ST3GAL3: variants seen among roughly 807,000 people sequenced by gnomAD.
ST3GAL3 encodes the protein CMP-N-acetylneuraminate-beta-1,4-galactoside alpha-2,3-sialyltransferase.
Under a neutral mutation model 50.1 loss-of-function variants are expected in ST3GAL3, and 21 were observed. That is an observed-to-expected ratio of 0.42 (90% CI 0.30 to 0.60). The LOEUF (loss-of-function observed/expected upper bound fraction) is 0.60. Among genes scored for constraint, ST3GAL3 ranks in the 20% least tolerant of loss-of-function variants. The probability of loss-of-function intolerance (pLI) is 0.19; values close to 1 mark genes in which losing one functional copy is unlikely to be tolerated. For synonymous variants in ST3GAL3, 183 were observed against 190.0 expected, an observed-to-expected ratio of 0.96 and a Z score of 0.30; for missense variants, 353 against 489.4, an observed-to-expected ratio of 0.72 and a Z score of 2.63.
chr1:43,750,194 C>T (rs773006593), intron 2 of ST3GAL3, among the ~76,000 whole-genome samples: 5 of 152,158 alleles, frequency 3.3e-5, no homozygotes, highest in Non-Finnish European at 7.4e-5. Context: ...GATTAGCATG[C>T]TTCAACTTAG....
intron 3 of ST3GAL3, among the ~76,000 whole-genome samples, chr1:43,814,611 C>T (rs1031355237): frequency 2.6e-5 from 4 of 152,200 alleles, no homozygotes; most frequent in African/African-American, 9.7e-5. Context: ...ATTTCAGTTC[C>T]AATTACCACA....
intron 9 of ST3GAL3, among the ~76,000 whole-genome samples, chr1:43,909,582 A>G: frequency 6.6e-6 from 1 of 152,368 alleles, no homozygotes; most frequent in South Asian, 2.1e-4. Flanking sequence ...CGGACTAAAA[A>G]GCGAAATATA....
At chr1:43,753,597 CT>C (rs1686978342) in intron 2 of ST3GAL3, among the ~76,000 whole-genome samples, 1 of 152,178 alleles carries the variant, frequency 6.6e-6, no homozygotes, top group Non-Finnish European at 1.5e-5. Context: ...CTCCCTGCTG[CT>C]CTCTATTACT....
rs1698932836 is a variant in ST3GAL3 at position 43,780,232 on chromosome 1, AG to A, written c.119-11869del. ...TCTAGGTTGGAAACCATTTTCCCTCAGTATTTTGAAGATACTGCCCCCATTG... is the reference window on the plus strand; with the variant it reads ...TCTAGGTTGGAAACCATTTTCCCTCATATTTTGAAGATACTGCCCCCATTG... On this transcript the variant is annotated intron_variant, in intron 2 of 11. Coordinates refer to ENST00000347631, the MANE Select transcript of ST3GAL3 (RefSeq NM_006279.5). Among the ~76,000 whole-genome samples the A allele has an allele frequency of 2.6e-5, 4 of 152,202 alleles. No individual in the cohort carries two copies. The South Asian group carries it at 8.3e-4, about 32-fold the overall frequency.
chr1:43,797,239 G>C (rs1184427233), intron 3 of ST3GAL3, among the ~76,000 whole-genome samples: 2 of 151,904 alleles, frequency 1.3e-5, no homozygotes, highest in Non-Finnish European at 2.9e-5. Context: ...TTAAATGAAG[G>C]TCTTAGCAAA....
intron 1 of ST3GAL3, among the ~76,000 whole-genome samples, chr1:43,720,891 G>A (rs1386059800): frequency 6.6e-6 from 1 of 152,194 alleles, no homozygotes; most frequent in African/African-American, 2.4e-5. Context: ...GCCAGCTGAT[G>A]AATGGATAAA....
intron 9 of ST3GAL3, among the ~76,000 whole-genome samples, chr1:43,904,282 C>T (rs905815733): frequency 6.6e-6 from 1 of 152,086 alleles, no homozygotes; most frequent in Non-Finnish European, 1.5e-5. Context: ...CCACCTGCAC[C>T]TTCACCTGTT....
At chr1:43,817,512 T>G (rs1007645375) in intron 4 of ST3GAL3, among the ~76,000 whole-genome samples, 1 of 149,638 alleles carries the variant, frequency 6.7e-6, no homozygotes, top group African/African-American at 2.5e-5. Context: ...TTTTTCCTTC[T>G]TCTTCATTCT....
At chr1:43,734,108 C>G (rs974648399) in intron 1 of ST3GAL3, among the ~76,000 whole-genome samples, 1 of 151,824 alleles carries the variant, frequency 6.6e-6, no homozygotes, top group Non-Finnish European at 1.5e-5. Flanking sequence ...GAAACTCCAT[C>G]TCGGGGGGTA....
intron 3 of ST3GAL3, among the ~76,000 whole-genome samples, chr1:43,806,452 A>T (rs747807530): frequency 1.3e-5 from 2 of 152,076 alleles, no homozygotes; most frequent in Non-Finnish European, 2.9e-5. Context: ...CGGGATAGGG[A>T]GGGGAACAGG....
intron 5 of ST3GAL3, among the ~76,000 whole-genome samples, chr1:43,888,367 T>A (rs1274826576): frequency 6.6e-6 from 1 of 152,028 alleles, no homozygotes; most frequent in African/African-American, 2.4e-5. Flanking sequence ...AAAAACCTAC[T>A]GTGTGGGAGG....
At chr1:43,708,780 T>C in intron 1 of ST3GAL3, among the ~76,000 whole-genome samples, 1 of 152,208 alleles carries the variant, frequency 6.6e-6, no homozygotes, top group East Asian at 1.9e-4. Context: ...CATGGTTTAA[T>C]AAAAATAAAA....
intron 9 of ST3GAL3, chr1:43,912,517 A>C (rs1015666387): frequency 6.6e-6 from 1 of 152,212 alleles, no homozygotes; most frequent in Non-Finnish European, 1.5e-5. Context: ...CAGGGATGTG[A>C]ATAAACTGAA....
At chr1:43,873,096 G>A (rs919681326) in intron 5 of ST3GAL3, among the ~76,000 whole-genome samples, 8 of 152,184 alleles carry the variant, frequency 5.3e-5, no homozygotes, top group Non-Finnish European at 1.0e-4. Context: ...GAGCAGAGGA[G>A]TGACTTCAGT....
intron 2 of ST3GAL3, among the ~76,000 whole-genome samples, chr1:43,741,992 C>G (rs1396316796): frequency 6.6e-6 from 1 of 152,168 alleles, no homozygotes; most frequent in Non-Finnish European, 1.5e-5. Context: ...GGGAATTGTT[C>G]AGCAAGAGGG....
intron 5 of ST3GAL3, chr1:43,851,391 TGGACGTTGACCCCC>T: frequency 6.2e-7 from 1 of 1,608,482 alleles, no homozygotes; most frequent in Non-Finnish European, 8.5e-7. Flanking sequence ...TGAGCAAGGC[TGGACGTTGACCCCC>T]CAGCACTGTG....
chr1:43,898,484 G>A (rs913765515), intron 7 of ST3GAL3, 186 bp downstream of exon 7: 2 of 674,702 alleles, frequency 3.0e-6, no homozygotes, highest in African/African-American at 1.8e-5. Context: ...GCACCCCCAC[G>A]GGCTGTCAGC....
intron 2 of ST3GAL3, among the ~76,000 whole-genome samples, chr1:43,740,652 A>T (rs937293944): frequency 3.3e-5 from 5 of 151,992 alleles, no homozygotes; most frequent in African/African-American, 1.2e-4. Context: ...AAAAAAATTA[A>T]AAAATATTAT....
At chr1:43,857,469 C>CTCCTTCCT (rs5773815) in intron 5 of ST3GAL3, among the ~76,000 whole-genome samples, 6,340 of 129,356 alleles carry the variant, frequency 0.049, 265 homozygotes, top group East Asian at 0.11. Context: ...GTGTATTTCC[C>CTCCTTCCT]TCCTTCCTTC....
Sources: allele counts gnomAD v4.1 joint callset (sites outside exome capture counted in the v4.1 genomes callset), GRCh38; gene constraint gnomAD v4.1.1; transcripts MANE v1.5; gene names NCBI Gene and HGNC (gene_info 2026-07-23, HGNC 2026-07-21).